ATXN1: variants seen among roughly 807,000 people sequenced by gnomAD.
The protein encoded by ATXN1 is ataxin 1.
Under a neutral mutation model 56.4 loss-of-function variants are expected in ATXN1, and 8 were observed. That is an observed-to-expected ratio of 0.14 (90% CI 0.08 to 0.26). The LOEUF is 0.26. Ranked by LOEUF, ATXN1 falls within the 10% of genes least tolerant of loss-of-function variation. ATXN1 has a pLI of 1.00. For synonymous variants in ATXN1, 514 were observed against 494.6 expected (o/e 1.04, Z -0.52); for missense variants, 987 against 1,106.5 (o/e 0.89, Z 1.53).
chr6:16,529,201 G>GT lies in ATXN1; in HGVS notation c.-360-6514dup, dbSNP rs1231700488. ...CAAAAAAAAAAAAATCTTTGTCAGGGTTTTTTGTTTTTTTTTTTTTTTTGT... is the reference window on the plus strand; with the variant it reads ...CAAAAAAAAAAAAATCTTTGTCAGGGTTTTTTTGTTTTTTTTTTTTTTTTGT... On this transcript the variant is annotated intron_variant, in intron 4 of 7. Transcript: ENST00000436367. Among the ~76,000 whole-genome samples, 173 of 143,242 alleles carry GT rather than the reference G, an allele frequency of 1.2e-3. 1 individual carries two copies. Among genetic ancestry groups the GT allele is most frequent in the African/African-American group, 3.3e-3 (120 of 36,568 alleles). 94.0% of individuals were successfully genotyped at this position (143,242 alleles called of 152,430 possible).
At chr6:16,592,012 G>A (rs1005701989) in intron 3 of ATXN1, among the ~76,000 whole-genome samples, 3 of 151,990 alleles carry the variant, frequency 2.0e-5, no homozygotes, top group Non-Finnish European at 4.4e-5. Flanking sequence ...AATTCCCCAG[G>A]GGCCCCTGGG....
chr6:16,316,704 G>T (rs886684502), intron 7 of ATXN1, among the ~76,000 whole-genome samples: 3 of 151,686 alleles, frequency 2.0e-5, no homozygotes, highest in African/African-American at 7.3e-5. Flanking sequence ...CCAAGATCAC[G>T]CCATTGCACC....
chr6:16,569,804 G>C (rs1762300011), intron 4 of ATXN1, among the ~76,000 whole-genome samples: 1 of 152,134 alleles, frequency 6.6e-6, no homozygotes. Context: ...CTGGTCAAGG[G>C]AACATGGAAG....
chr6:16,725,903 C>T (rs943511654), intron 2 of ATXN1, among the ~76,000 whole-genome samples: 12 of 152,188 alleles, frequency 7.9e-5, no homozygotes, highest in African/African-American at 2.7e-4. Context: ...TGGGCAGGAA[C>T]GACTGGTAAA....
At chr6:16,367,538 T>C (rs1761949134) in intron 6 of ATXN1, among the ~76,000 whole-genome samples, 1 of 152,144 alleles carries the variant, frequency 6.6e-6, no homozygotes, top group South Asian at 2.1e-4. Context: ...ATTGTATAGG[T>C]CAAATTTTCC....
chr6:16,451,768 A>G (rs1759758840), intron 6 of ATXN1, among the ~76,000 whole-genome samples: 1 of 152,088 alleles, frequency 6.6e-6, no homozygotes, highest in South Asian at 2.1e-4. Flanking sequence ...AAAAAAAAAA[A>G]GAAAGAAAAT....
Position 16,506,379 on chromosome 6 carries a change from T to C in ATXN1, c.-299+16248A>G, listed in dbSNP as rs1561730841. ...TATGATTTTATTTAATAGTTTTACA[T>C]AAGCAAAGCTGATGTCTCCTCTGAC... is the stretch of plus-strand genomic sequence containing the variant. On this transcript the variant is annotated intron_variant, in intron 5 of 7. Coordinates refer to ENST00000436367, the MANE Select transcript of ATXN1 (RefSeq NM_001128164.2). The surrounding 1 kb of genome is among the most constrained non-coding windows in gnomAD (Gnocchi z 4.1). 1.3e-5 allele frequency among the ~76,000 whole-genome samples: 2 copies of C among 152,214 alleles called. No individual in the cohort carries two copies. The highest frequency in any genetic ancestry group is 1.5e-5 in the Non-Finnish European group (1 of 68,038).
At chr6:16,560,563 C>T (rs1475735205) in intron 4 of ATXN1, among the ~76,000 whole-genome samples, 1 of 152,148 alleles carries the variant, frequency 6.6e-6, no homozygotes, top group East Asian at 1.9e-4. Context: ...GTCTGCAGGG[C>T]CCAGCTCCTC....
Position 16,327,448 on chromosome 6 carries a change from T to C in ATXN1, c.863A>G (p.Gln288Arg). 3 of 1,613,400 alleles carry C rather than the reference T, an allele frequency of 1.9e-6. No individual in the cohort carries two copies. The highest frequency in any genetic ancestry group is 2.5e-6 in the Non-Finnish European group (3 of 1,179,916). Reference protein sequence around the residue: ...PHTLTLGPPSQVVMQYADSGS... With the variant: ...PHTLTLGPPSRVVMQYADSGS... ...GGAGTCGGCGTATTGCATGACGACC[T>C]GGGAGGGGGGCCCCAGGGTGAGCGT... Residue 288 changes from glutamine (Q) to arginine (R), a missense_variant, in exon 7 of 8, where the codon CAG becomes CGG. Physicochemically the swap from Gln to Arg is conservative, Grantham distance 43 (BLOSUM62 1). Coordinates refer to ENST00000436367, the MANE Select transcript of ATXN1 (RefSeq NM_001128164.2).
chr6:16,535,574 T>A (rs370917500), intron 4 of ATXN1, among the ~76,000 whole-genome samples: 14 of 152,254 alleles, frequency 9.2e-5, no homozygotes, highest in African/African-American at 3.4e-4. Context: ...TTGATATAAA[T>A]AAATTTTAAA....
intron 3 of ATXN1, among the ~76,000 whole-genome samples, chr6:16,594,744 G>C (rs1028404728): frequency 2.0e-5 from 3 of 152,308 alleles, no homozygotes; most frequent in South Asian, 2.1e-4. Flanking sequence ...GCCTCCCAAA[G>C]TGCTGGGATT....
At chr6:16,554,581 A>G (rs1220496252) in intron 4 of ATXN1, among the ~76,000 whole-genome samples, 2 of 152,170 alleles carry the variant, frequency 1.3e-5, no homozygotes, top group Non-Finnish European at 2.9e-5. Context: ...CCTCCTGAGT[A>G]GCTGAGATTA....
intron 2 of ATXN1, among the ~76,000 whole-genome samples, chr6:16,723,049 C>T (rs184084597): frequency 1.7e-3 from 255 of 152,258 alleles, no homozygotes; most frequent in Non-Finnish European, 3.3e-3. Context: ...TATTGGTATG[C>T]TACATTTAAA....
intron 2 of ATXN1, among the ~76,000 whole-genome samples, chr6:16,716,705 C>T (rs1335270641): frequency 6.6e-6 from 1 of 152,202 alleles, no homozygotes; most frequent in Non-Finnish European, 1.5e-5. Flanking sequence ...CACCATGACT[C>T]AAATCAAATT....
chr6:16,349,222 A>C (rs2113457140), intron 6 of ATXN1, among the ~76,000 whole-genome samples: 1 of 152,290 alleles, frequency 6.6e-6, no homozygotes, highest in East Asian at 1.9e-4. Flanking sequence ...TCACATTTTC[A>C]GGCTGGGCAT....
chr6:16,567,416 CCT>C, intron 4 of ATXN1, among the ~76,000 whole-genome samples: 1 of 152,232 alleles, frequency 6.6e-6, no homozygotes, highest in African/African-American at 2.4e-5. Flanking sequence ...AAAGTCTGAG[CCT>C]GTGAGTGCAA....
chr6:16,637,765 G>A (rs533895247), intron 3 of ATXN1, among the ~76,000 whole-genome samples: 9 of 152,240 alleles, frequency 5.9e-5, no homozygotes, highest in African/African-American at 1.4e-4. Flanking sequence ...CTACAGCTAC[G>A]CCAGGCAAAT....
intron 2 of ATXN1, among the ~76,000 whole-genome samples, chr6:16,730,483 G>GTATATATATATATATATATATATA (rs1283942311): frequency 1.6e-3 from 119 of 74,436 alleles, no homozygotes; most frequent in African/African-American, 4.9e-3. Context: ...GGGTAAAACA[G>GTATATATATATATATATATATATA]TATGTATATA....
intron 6 of ATXN1, among the ~76,000 whole-genome samples, chr6:16,389,337 C>CAAAA (rs950919034): frequency 8.0e-6 from 1 of 125,646 alleles, no homozygotes; most frequent in African/African-American, 3.2e-5. Flanking sequence ...ACTCCATCTC[C>CAAAA]AAAAAAAAAG....
Sources: allele counts gnomAD v4.1 joint callset (sites outside exome capture counted in the v4.1 genomes callset), GRCh38; gene constraint gnomAD v4.1.1; non-coding constraint Gnocchi (gnomAD v3.1); transcripts MANE v1.5; gene names NCBI Gene and HGNC (gene_info 2026-07-23, HGNC 2026-07-21).